TSPAN7: variants seen among roughly 807,000 people sequenced by gnomAD.
TSPAN7 encodes tetraspanin-7.
Under a neutral mutation model 17.6 loss-of-function variants are expected in TSPAN7, and 1 was observed. The ratio of observed to expected loss-of-function variants is 0.06; its 90% CI spans 0.02 to 0.27. TSPAN7 has a LOEUF of 0.27. TSPAN7 is among the 10% of genes least tolerant of loss of function. The pLI is 1.00. For synonymous variants in TSPAN7, 78 were observed against 79.0 expected (o/e 0.99, Z 0.07); for missense variants, 112 against 201.7 (o/e 0.56, Z 2.69).
intron 1 of TSPAN7, among the ~76,000 whole-genome samples, chrX:38,635,851 C>T (rs1441107225): frequency 9.0e-6 from 1 of 111,499 alleles, no homozygotes; most frequent in Non-Finnish European, 1.9e-5. Flanking sequence ...TTCTAAAACA[C>T]TGTTACCACT....
intron 1 of TSPAN7, among the ~76,000 whole-genome samples, chrX:38,661,863 C>G (rs868271737): frequency 1.8e-4 from 20 of 109,732 alleles, no homozygotes; most frequent in South Asian, 4.0e-4. Flanking sequence ...CTTTTCAGTT[C>G]GAAAGTCATG....
chrX:38,628,166 C>G (rs1362121068), intron 1 of TSPAN7, among the ~76,000 whole-genome samples: 3 of 112,400 alleles, frequency 2.7e-5, no homozygotes, highest in African/African-American at 9.7e-5. Context: ...TTTATACCCC[C>G]CTCCACAATG....
intron 1 of TSPAN7, among the ~76,000 whole-genome samples, chrX:38,614,545 T>A (rs1260653171): frequency 8.9e-6 from 1 of 112,583 alleles, no homozygotes; most frequent in Non-Finnish European, 1.9e-5. Context: ...AAGATCTCTA[T>A]GAGTTAACTG....
intron 2 of TSPAN7, among the ~76,000 whole-genome samples, chrX:38,669,029 G>A (rs2069803025): frequency 9.1e-6 from 1 of 110,409 alleles, no homozygotes; most frequent in African/African-American, 3.3e-5. Context: ...ATTATCTGGT[G>A]TTTTATTGCA....
chrX:38,641,693 G>A (rs949135252), intron 1 of TSPAN7, among the ~76,000 whole-genome samples: 2 of 111,488 alleles, frequency 1.8e-5, no homozygotes, highest in Admixed American at 9.5e-5. Context: ...TAATTTTCAC[G>A]GTGCTTTCCC....
chrX:38,617,117 A>G (rs150408013), intron 1 of TSPAN7, among the ~76,000 whole-genome samples: 2,788 of 111,734 alleles, frequency 0.025, 111 homozygotes, highest in African/African-American at 0.087. Flanking sequence ...AACTTTATCT[A>G]CAAAGAGCCT....
intron 1 of TSPAN7, among the ~76,000 whole-genome samples, chrX:38,632,934 A>G (rs2069558848): frequency 8.9e-6 from 1 of 112,359 alleles, no homozygotes; most frequent in Non-Finnish European, 1.9e-5. Flanking sequence ...CATGAACTAC[A>G]GAAGTCTCTT....
At chrX:38,669,951 G>T (rs775512950) in intron 2 of TSPAN7, among the ~76,000 whole-genome samples, 15 of 112,095 alleles carry the variant, frequency 1.3e-4, no homozygotes, top group Non-Finnish European at 2.8e-4. Flanking sequence ...GCTTTGAATT[G>T]CATTTTGTAT....
At chrX:38,682,690 C>T (rs2069900440) in intron 6 of TSPAN7, among the ~76,000 whole-genome samples, 1 of 112,348 alleles carries the variant, frequency 8.9e-6, no homozygotes, top group African/African-American at 3.2e-5. Context: ...ATTAAACCCT[C>T]AACCCTCCAA....
chrX:38,679,096 T>A (rs1449358546), intron 5 of TSPAN7, among the ~76,000 whole-genome samples: 1 of 112,365 alleles, frequency 8.9e-6, no homozygotes, highest in Non-Finnish European at 1.9e-5. Context: ...TTTCTCCTAC[T>A]GGTTGGAGTG....
intron 6 of TSPAN7, among the ~76,000 whole-genome samples, chrX:38,683,940 C>T (rs1209715754): frequency 1.8e-5 from 2 of 112,896 alleles, no homozygotes; most frequent in Admixed American, 9.3e-5. Flanking sequence ...ATGCCTTAGC[C>T]TTCCTATAAT....
At chrX:38,633,311 G>A (rs2069561163) in intron 1 of TSPAN7, among the ~76,000 whole-genome samples, 1 of 111,562 alleles carries the variant, frequency 9.0e-6, no homozygotes. Flanking sequence ...CTTTGATTAA[G>A]GCCTTACAAA....
intron 1 of TSPAN7, among the ~76,000 whole-genome samples, chrX:38,624,132 T>G (rs1025744929): frequency 9.0e-6 from 1 of 111,176 alleles, no homozygotes; most frequent in African/African-American, 3.3e-5. Flanking sequence ...ATCCATACAG[T>G]GTAGTCATTT....
intron 5 of TSPAN7, among the ~76,000 whole-genome samples, chrX:38,678,733 C>T (rs1025523008): frequency 8.9e-6 from 1 of 112,411 alleles, no homozygotes; most frequent in African/African-American, 3.2e-5. Flanking sequence ...TATATCTTCT[C>T]ATTTTAATTA....
intron 1 of TSPAN7, chrX:38,656,088 T>C (rs2069702947): frequency 3.3e-6 from 1 of 306,723 alleles, no homozygotes; most frequent in African/African-American, 2.7e-5. Flanking sequence ...TCTGTATTTA[T>C]TGAGCTGATT....
chrX:38,605,877 G>T (rs1399775143), intron 1 of TSPAN7, among the ~76,000 whole-genome samples: 7 of 107,040 alleles, frequency 6.5e-5, no homozygotes, highest in Non-Finnish European at 1.2e-4. Context: ...GCTGAAACTG[G>T]ATCCCTTCCT....
At position 38,597,525 on chromosome X, in the gene TSPAN7, A is replaced by G. The variant is rs181938373; in HGVS notation, c.81+35898A>G. On this transcript the variant is annotated intron_variant, in intron 1 of 7. Coordinates refer to ENST00000378482, the MANE Select transcript of TSPAN7 (RefSeq NM_004615.4). ...ATGAGTTAGAGCAGTGTTGGCTGCG[A>G]GTTAATGATAATGAACCAAAAATAT... Among the ~76,000 whole-genome samples, 163 of 111,342 alleles carry G rather than the reference A, an allele frequency of 1.5e-3. 1 individual carries two copies. Among genetic ancestry groups the G allele is most frequent in the African/African-American group, 5.1e-3 (157 of 30,714 alleles).
At chrX:38,587,368 A>G (rs773420776) in intron 1 of TSPAN7, among the ~76,000 whole-genome samples, 13 of 112,348 alleles carry the variant, frequency 1.2e-4, no homozygotes, top group Middle Eastern at 4.6e-3. Flanking sequence ...TGGAGAGTCT[A>G]TATATGTACA....
intron 1 of TSPAN7, among the ~76,000 whole-genome samples, chrX:38,592,367 G>T (rs1479038706): frequency 9.0e-6 from 1 of 111,480 alleles, no homozygotes; most frequent in Non-Finnish European, 1.9e-5. Flanking sequence ...TTTTAATTGG[G>T]ATGTTTAGTC....
Sources: allele counts gnomAD v4.1 joint callset (sites outside exome capture counted in the v4.1 genomes callset), GRCh38; gene constraint gnomAD v4.1.1; transcripts MANE v1.5; gene names NCBI Gene and HGNC (gene_info 2026-07-23, HGNC 2026-07-21).